Variants in GPC6 observed in about 807,000 individuals in gnomAD.
GPC6 encodes the protein glypican 6.
A neutral mutation model predicts 55.2 loss-of-function variants in GPC6; 14 were observed. The observed-to-expected ratio is 0.25, with a 90% confidence interval of 0.17 to 0.40. The LOEUF is 0.40. GPC6 is among the 10% of genes least tolerant of loss of function. The pLI is 1.00. For missense variants in GPC6, 641 were observed against 708.5 expected (o/e 0.90, Z 1.08); for synonymous variants, 278 against 259.6 (o/e 1.07, Z -0.68).
chr13:93,589,126 A>C (rs1039025220), intron 2 of GPC6, among the ~76,000 whole-genome samples: 1 of 152,206 alleles, frequency 6.6e-6, no homozygotes, highest in Non-Finnish European at 1.5e-5. Context: ...TTGGAAAAAG[A>C]GTACAAGGAG....
chr13:94,399,175 G>C (rs1454222884), intron 8 of GPC6, among the ~76,000 whole-genome samples: 1 of 152,202 alleles, frequency 6.6e-6, no homozygotes, highest in African/African-American at 2.4e-5. Flanking sequence ...CCTCATTTGA[G>C]GAGCTATGAT....
At chr13:93,345,548 C>T (rs951793193) in intron 1 of GPC6, among the ~76,000 whole-genome samples, 6 of 152,044 alleles carry the variant, frequency 3.9e-5, no homozygotes, top group Non-Finnish European at 8.8e-5. Flanking sequence ...CTCTTTCCCA[C>T]ATCAAAATTA....
rs544290087 is a variant in GPC6, at chr13:93,773,671, T to A, written c.320-56483T>A. On this transcript the variant is annotated intron_variant, in intron 2 of 8. Coordinates refer to ENST00000377047, the MANE Select transcript of GPC6 (RefSeq NM_005708.5). The stretch of plus-strand genomic sequence containing the variant: ...TTTCACGGGTTCAGTCTATGCCCTT[T>A]GATTTGGCAACTCCTTTTCAAAATA... Among the ~76,000 whole-genome samples, 8 of 152,296 alleles carry A rather than the reference T, an allele frequency of 5.3e-5. No homozygotes were observed. The South Asian group carries it at 1.7e-3, about 32-fold the overall frequency.
chr13:93,473,996 A>G (rs1013240297), intron 1 of GPC6, among the ~76,000 whole-genome samples: 2 of 152,188 alleles, frequency 1.3e-5, no homozygotes, highest in South Asian at 4.1e-4. Context: ...CCCTGCTGCC[A>G]TCACTCACAT....
intron 1 of GPC6, among the ~76,000 whole-genome samples, chr13:93,373,284 G>A (rs1874748487): frequency 6.6e-6 from 1 of 152,082 alleles, no homozygotes; most frequent in African/African-American, 2.4e-5. Flanking sequence ...TAAATGCAAA[G>A]GAGCACATTT....
chr13:94,048,206 A>C (rs924135983), intron 4 of GPC6, among the ~76,000 whole-genome samples: 9 of 152,096 alleles, frequency 5.9e-5, no homozygotes, highest in African/African-American at 2.2e-4. Flanking sequence ...AGGCATAAGA[A>C]TACATGAAGG....
intron 1 of GPC6, among the ~76,000 whole-genome samples, chr13:93,518,271 G>T (rs1004343009): frequency 6.6e-6 from 1 of 151,628 alleles, no homozygotes; most frequent in African/African-American, 2.4e-5. Flanking sequence ...GAGACTTCCC[G>T]GCTTCCTTAA....
chr13:93,844,339 A>G (rs908267648), intron 3 of GPC6, among the ~76,000 whole-genome samples: 2 of 152,026 alleles, frequency 1.3e-5, no homozygotes, highest in East Asian at 1.9e-4. Flanking sequence ...GGGTTTCACC[A>G]TGTTGGCCAG....
At chr13:94,308,945 G>T (rs895454487) in intron 6 of GPC6, among the ~76,000 whole-genome samples, 4 of 152,150 alleles carry the variant, frequency 2.6e-5, no homozygotes, top group African/African-American at 9.7e-5. Context: ...TCCTTGGCCA[G>T]ACTCCAGTCC....
intron 2 of GPC6, among the ~76,000 whole-genome samples, chr13:93,703,370 A>G (rs1230364596): frequency 1.3e-5 from 2 of 151,958 alleles, no homozygotes; most frequent in African/African-American, 2.4e-5. Flanking sequence ...CATACCAGAT[A>G]TAATAATTAT....
At chr13:93,881,174 G>A (rs1303104235) in intron 3 of GPC6, among the ~76,000 whole-genome samples, 1 of 152,036 alleles carries the variant, frequency 6.6e-6, no homozygotes, top group African/African-American at 2.4e-5. Flanking sequence ...GAGCTGGTGT[G>A]GGGTGCACTG....
intron 2 of GPC6, among the ~76,000 whole-genome samples, chr13:93,770,947 C>T (rs143161338): frequency 2.0e-5 from 3 of 151,718 alleles, no homozygotes; most frequent in Admixed American, 1.3e-4. Flanking sequence ...TAAAACGTAA[C>T]GTAACCCTCT....
intron 2 of GPC6, among the ~76,000 whole-genome samples, chr13:93,764,118 G>C (rs1384915167): frequency 1.5e-4 from 23 of 152,014 alleles, no homozygotes. Context: ...TCTTAATTTA[G>C]ATACCTAGTC....
chr13:93,233,354 A>AAAAAAT lies in GPC6; in HGVS notation c.160+5741_160+5742insAATAAA, dbSNP rs1555336288. On this transcript the variant is annotated intron_variant, in intron 1 of 8. Transcript: ENST00000377047. The stretch of plus-strand genomic sequence containing the variant: ...GTGCCAGTTAGTAGCCAAAAAAAAA[A>AAAAAAT]AAATCAAAATTTGGTTTCACACTTT... Among the ~76,000 whole-genome samples the AAAAAAT allele has an allele frequency of 1.0e-3, 152 of 151,466 alleles. 1 individual carries two copies. In the East Asian group the frequency reaches 0.015, roughly 14 times the overall value.
At position 93,477,152 on chromosome 13, in the gene GPC6, T is replaced by G. The variant is rs566931289; in HGVS notation, c.161-68111T>G. ...ATTCCCAGTGGTTTCATGTTTAACA[T>G]TATTTATATTTAAATTTTTTTATTT... On this transcript the variant is annotated intron_variant, in intron 1 of 8. Coordinates refer to ENST00000377047, the MANE Select transcript of GPC6 (RefSeq NM_005708.5). Among the ~76,000 whole-genome samples the G allele has an allele frequency of 5.3e-5, 8 of 152,248 alleles. 1 individual carries two copies. Among genetic ancestry groups the G allele is most frequent in the Admixed American group, 2.0e-4 (3 of 15,292 alleles).
chr13:93,795,963 C>G (rs541127191), intron 2 of GPC6, among the ~76,000 whole-genome samples: 105 of 151,562 alleles, frequency 6.9e-4, no homozygotes, highest in African/African-American at 2.4e-3. Context: ...TAGTCCAGGT[C>G]ACTTGAGACC....
chr13:93,584,845 T>G (rs1003523557), intron 2 of GPC6, among the ~76,000 whole-genome samples: 1 of 151,926 alleles, frequency 6.6e-6, no homozygotes, highest in African/African-American at 2.4e-5. Flanking sequence ...TGCACCACCA[T>G]GTTCAGCGAA....
intron 1 of GPC6, among the ~76,000 whole-genome samples, chr13:93,313,461 T>C (rs1426006588): frequency 6.6e-6 from 1 of 152,146 alleles, no homozygotes; most frequent in African/African-American, 2.4e-5. Flanking sequence ...AATATGAAAC[T>C]CCTGAGATGA....
chr13:93,417,232 G>GT (rs1478682220), intron 1 of GPC6, among the ~76,000 whole-genome samples: 1 of 152,088 alleles, frequency 6.6e-6, no homozygotes, highest in East Asian at 1.9e-4. Context: ...GGATTTCACA[G>GT]TTTTTTTGTT....
Sources: gnomAD v4.1 joint callset for allele counts (sites outside exome capture counted in the v4.1 genomes callset) on GRCh38, gnomAD v4.1.1 for gene constraint, MANE v1.5 for transcripts, NCBI Gene and HGNC (gene_info 2026-07-23, HGNC 2026-07-21) for gene names.